MSRA: variants seen among roughly 807,000 people sequenced by gnomAD.
The protein encoded by MSRA is mitochondrial peptide methionine sulfoxide reductase.
A neutral mutation model predicts 31.3 loss-of-function variants in MSRA; 54 were observed. The observed-to-expected ratio is 1.73, with a 90% CI of 1.39 to 2.17. The LOEUF (loss-of-function observed/expected upper bound fraction) is 2.17. Among genes scored for constraint, MSRA ranks in the 30% most tolerant of loss-of-function variants. The probability of loss-of-function intolerance (pLI) is 0.00; values close to 1 mark genes in which losing one functional copy is unlikely to be tolerated. For missense variants in MSRA, 507 were observed against 300.9 expected (o/e 1.69, Z -5.07); for synonymous variants, 169 against 116.5 (o/e 1.45, Z -2.90).
intron 3 of MSRA, among the ~76,000 whole-genome samples, chr8:10,290,101 C>G (rs1006031713): frequency 6.6e-5 from 10 of 152,140 alleles, no homozygotes; most frequent in African/African-American, 9.7e-5. Flanking sequence ...ATTATGCCCT[C>G]AAATGTAGAA....
At chr8:10,210,926 G>C (rs1160441136) in intron 2 of MSRA, among the ~76,000 whole-genome samples, 2 of 151,494 alleles carry the variant, frequency 1.3e-5, no homozygotes, top group African/African-American at 4.9e-5. Flanking sequence ...AGTAGAGATG[G>C]GGTTTTTCCA....
At chr8:10,144,553 C>G (rs986477678) in intron 1 of MSRA, among the ~76,000 whole-genome samples, 2 of 152,184 alleles carry the variant, frequency 1.3e-5, no homozygotes, top group Non-Finnish European at 2.9e-5. Flanking sequence ...TATTCAAGAT[C>G]AGATTATCCA....
intron 1 of MSRA, among the ~76,000 whole-genome samples, chr8:10,120,866 G>A (rs910462917): frequency 6.6e-6 from 1 of 152,104 alleles, no homozygotes; most frequent in African/African-American, 2.4e-5. Context: ...ACCTGTACAC[G>A]TCCATGATTT....
intron 5 of MSRA, among the ~76,000 whole-genome samples, chr8:10,420,916 G>C (rs951295786): frequency 6.7e-6 from 1 of 150,314 alleles, no homozygotes; most frequent in East Asian, 2.0e-4. Flanking sequence ...AGAATCACTT[G>C]AGCCTGAGAG....
intron 3 of MSRA, among the ~76,000 whole-genome samples, chr8:10,285,654 A>AGG (rs1799895010): frequency 6.7e-6 from 1 of 149,274 alleles, no homozygotes; most frequent in African/African-American, 2.5e-5. Context: ...CCTTCCCCCC[A>AGG]CTCCTTCCCC....
chr8:10,262,179 T>C (rs778381569), intron 3 of MSRA, among the ~76,000 whole-genome samples: 2 of 152,236 alleles, frequency 1.3e-5, no homozygotes. Context: ...ACAAAGCTGC[T>C]ATTAACGTTT....
chr8:10,093,814 T>A (rs1798981222), intron 1 of MSRA, among the ~76,000 whole-genome samples: 1 of 152,218 alleles, frequency 6.6e-6, no homozygotes, highest in South Asian at 2.1e-4. Context: ...CTGCTAGTAA[T>A]GAACTCTGTT....
At chr8:10,095,423 C>T (rs759502683) in intron 1 of MSRA, 42 of 968,102 alleles carry the variant, frequency 4.3e-5, no homozygotes, top group Admixed American at 1.8e-4. Context: ...TACCGTACCA[C>T]GGTTTCCTGT....
chr8:10,178,049 T>A (rs971751080), intron 1 of MSRA, among the ~76,000 whole-genome samples: 1 of 152,236 alleles, frequency 6.6e-6, no homozygotes, highest in Non-Finnish European at 1.5e-5. Flanking sequence ...ACAAATATTT[T>A]ACATCTGATC....
At chr8:10,103,011 T>C (rs950474846) in intron 1 of MSRA, among the ~76,000 whole-genome samples, 5 of 152,222 alleles carry the variant, frequency 3.3e-5, no homozygotes, top group African/African-American at 1.2e-4. Context: ...CTGAGCCTTC[T>C]TTAATCACTA....
At chr8:10,300,852 C>G (rs2129124990) in intron 3 of MSRA, among the ~76,000 whole-genome samples, 1 of 152,264 alleles carries the variant, frequency 6.6e-6, no homozygotes, top group Non-Finnish European at 1.5e-5. Flanking sequence ...ATACCCACCC[C>G]TGATCCACCA....
chr8:10,320,764 G>A (rs956534869), intron 5 of MSRA, among the ~76,000 whole-genome samples: 2 of 152,190 alleles, frequency 1.3e-5, no homozygotes, highest in African/African-American at 2.4e-5. Context: ...GGGAAGGGAA[G>A]GATCTGTTCC....
At chr8:10,281,933 C>G (rs952046194) in intron 3 of MSRA, among the ~76,000 whole-genome samples, 1 of 152,032 alleles carries the variant, frequency 6.6e-6, no homozygotes, top group Non-Finnish European at 1.5e-5. Context: ...CAAAGAAATA[C>G]GGGGCTTACT....
At chr8:10,407,936 A>T (rs1807919414) in intron 5 of MSRA, among the ~76,000 whole-genome samples, 1 of 152,232 alleles carries the variant, frequency 6.6e-6, no homozygotes, top group Admixed American at 6.5e-5. Flanking sequence ...GCTACACTGG[A>T]GATGCACCGA....
At chr8:10,295,062 C>G (rs771107274) in intron 3 of MSRA, among the ~76,000 whole-genome samples, 1 of 152,172 alleles carries the variant, frequency 6.6e-6, no homozygotes, top group African/African-American at 2.4e-5. Flanking sequence ...GCAGGCACTC[C>G]TGGGCGGCAG....
Position 10,129,182 on chromosome 8 carries a change from T to C in MSRA, c.142+74524T>C, listed in dbSNP as rs780139165. Among the ~76,000 whole-genome samples the C allele has an allele frequency of 2.0e-5, 3 of 152,194 alleles. 1 individual carries two copies. The highest frequency in any genetic ancestry group is 4.4e-5 in the Non-Finnish European group (3 of 68,040). On this transcript the variant is annotated intron_variant, in intron 1 of 5. Coordinates refer to ENST00000317173, the MANE Select transcript of MSRA (RefSeq NM_012331.5). ...CTGTTTTTTAACAGATGATCTGAAA[T>C]GAGTTTGCTGTAGGTTCTTTGCTGT... is the stretch of plus-strand genomic sequence containing the variant.
chr8:10,106,868 C>G (rs1350351885), intron 1 of MSRA, among the ~76,000 whole-genome samples: 1 of 151,826 alleles, frequency 6.6e-6, no homozygotes, highest in Non-Finnish European at 1.5e-5. Flanking sequence ...CACGCACCTA[C>G]CCACCTACCC....
At chr8:10,159,118 T>G (rs1210041942) in intron 1 of MSRA, among the ~76,000 whole-genome samples, 2 of 152,078 alleles carry the variant, frequency 1.3e-5, no homozygotes, top group Non-Finnish European at 2.9e-5. Flanking sequence ...CAGGCCAAGG[T>G]AGTGGCAGTA....
At chr8:10,274,604 A>C (rs2952166) in intron 3 of MSRA, among the ~76,000 whole-genome samples, 20,103 of 152,170 alleles carry the variant, frequency 0.13, 1,811 homozygotes, top group Admixed American at 0.3. Flanking sequence ...TGTGCTGTAT[A>C]TATAGAGGTC....
Sources: gnomAD v4.1 joint callset for allele counts (sites outside exome capture counted in the v4.1 genomes callset) on GRCh38, gnomAD v4.1.1 for gene constraint, MANE v1.5 for transcripts, NCBI Gene and HGNC (gene_info 2026-07-23, HGNC 2026-07-21) for gene names.